ESYT2: variants seen among roughly 807,000 people sequenced by gnomAD.
ESYT2 encodes extended synaptotagmin-2.
A neutral mutation model predicts 107.2 loss-of-function variants in ESYT2; 54 were observed. The observed-to-expected ratio is 0.50, with a 90% CI of 0.40 to 0.63. ESYT2 has a LOEUF of 0.63. ESYT2 is among the 30% of genes least tolerant of loss of function. ESYT2 has a pLI of 0.00. For missense variants in ESYT2, 1,020 were observed against 1,094.5 expected (o/e 0.93, Z 0.96); for synonymous variants, 491 against 434.1 (o/e 1.13, Z -1.63).
rs374662727 is a variant in ESYT2, at chr7:158,798,114, A to G, written c.373-38T>C. Reference sequence around the variant, plus strand: ...AAGAACTCAGTTTAAACAAAATGCTATATAATGCATGACACACACGAGTGC... The same window carrying G: ...AAGAACTCAGTTTAAACAAAATGCTGTATAATGCATGACACACACGAGTGC... On this transcript the variant is annotated intron_variant, in intron 2 of 22. Transcript: ENST00000275418. The G allele has an allele frequency of 5.0e-6, 8 of 1,611,826 alleles. No individual in the cohort carries two copies. The African/African-American group carries it at 9.4e-5, about 19-fold the overall frequency.
At chr7:158,818,936 G>A (rs748191334) in intron 1 of ESYT2, among the ~76,000 whole-genome samples, 2 of 152,216 alleles carry the variant, frequency 1.3e-5, no homozygotes, top group African/African-American at 2.4e-5. Context: ...CCACTCGCAC[G>A]GGCCCTGGCC....
At chr7:158,760,862 C>T (rs933442992) in intron 11 of ESYT2, among the ~76,000 whole-genome samples, 8 of 152,168 alleles carry the variant, frequency 5.3e-5, no homozygotes, top group African/African-American at 1.7e-4. Context: ...CCCAGGAAAA[C>T]GAGATGTCAC....
At chr7:158,741,476 G>GC (rs1201164379) in intron 18 of ESYT2, 47 bp downstream of exon 18, 17 of 1,513,718 alleles carry the variant, frequency 1.1e-5, no homozygotes, top group Non-Finnish European at 1.4e-5. Flanking sequence ...GTGGGGTGGG[G>GC]GGCGCTTGCT....
intron 12 of ESYT2, 87 bp from the exon 13 acceptor site, chr7:158,759,668 TAAA>T: frequency 9.0e-7 from 1 of 1,114,324 alleles, no homozygotes; most frequent in Non-Finnish European, 1.3e-6. Flanking sequence ...TTGATTACGC[TAAA>T]AATAAGAAAG....
At chr7:158,751,033 T>TG (rs1436253948) in intron 14 of ESYT2, among the ~76,000 whole-genome samples, 1 of 152,258 alleles carries the variant, frequency 6.6e-6, no homozygotes, top group African/African-American at 2.4e-5. Flanking sequence ...AGTGGTCACC[T>TG]GTTCCTAGAA....
intron 1 of ESYT2, among the ~76,000 whole-genome samples, chr7:158,819,139 G>A (rs1840223841): frequency 6.6e-6 from 1 of 152,188 alleles, no homozygotes; most frequent in African/African-American, 2.4e-5. Context: ...CATTATGGAG[G>A]GAATGCTTTC....
intron 1 of ESYT2, among the ~76,000 whole-genome samples, chr7:158,821,310 T>C (rs1275412469): frequency 6.6e-6 from 1 of 152,160 alleles, no homozygotes; most frequent in Admixed American, 6.5e-5. Context: ...AATAAGATCA[T>C]TGAGAGTAAA....
chr7:158,749,339 G>A (rs1837511015), intron 15 of ESYT2, among the ~76,000 whole-genome samples: 2 of 152,078 alleles, frequency 1.3e-5, no homozygotes, highest in East Asian at 1.9e-4. Flanking sequence ...GGCTGGTCTC[G>A]AACTCCTGAC....
At chr7:158,817,616 C>T (rs1840182983) in intron 1 of ESYT2, among the ~76,000 whole-genome samples, 1 of 56,844 alleles carries the variant, frequency 1.8e-5, no homozygotes, top group Non-Finnish European at 5.1e-5. Flanking sequence ...CAATGTACAG[C>T]TTACATGTAT....
rs1414158951 is a variant in ESYT2 at position 158,819,632 on chromosome 7, C to T, written c.330+9457G>A. On this transcript the variant is annotated intron_variant, in intron 1 of 22. Coordinates refer to ENST00000275418, the MANE Select transcript of ESYT2 (RefSeq NM_001367773.1). ...GGAAATGTTGCCAATGTAATGTTATCACTAGTTAGTAGAATTGCAGGTAAC... is the reference window on the plus strand; with the variant it reads ...GGAAATGTTGCCAATGTAATGTTATTACTAGTTAGTAGAATTGCAGGTAAC... Among the ~76,000 whole-genome samples, 4 of 152,312 alleles carry T rather than the reference C, an allele frequency of 2.6e-5. No individual in the cohort carries two copies. In the East Asian group the frequency reaches 7.7e-4, roughly 29 times the overall value.
chr7:158,785,136 C>G (rs1444613073), intron 6 of ESYT2, among the ~76,000 whole-genome samples: 1 of 152,152 alleles, frequency 6.6e-6, no homozygotes, highest in African/African-American at 2.4e-5. Context: ...TAATTCACCT[C>G]TAGTGGCCGG....
chr7:158,825,499 G>A (rs1475481596), intron 1 of ESYT2, among the ~76,000 whole-genome samples: 1 of 152,138 alleles, frequency 6.6e-6, no homozygotes, highest in African/African-American at 2.4e-5. Flanking sequence ...TAACAACACT[G>A]TTTATATTAA....
chr7:158,743,597 C>T lies in ESYT2; in HGVS notation c.1726G>A (p.Val576Met). 2 of 1,613,426 alleles carry T rather than the reference C, an allele frequency of 1.2e-6. No homozygotes were observed. The highest frequency in any genetic ancestry group is 1.7e-5 in the Admixed American group (1 of 59,884). ...TTACTGAGCTGGAAGCGCTGGCTCA[C>T]AGTCATGTCCTCACTGGTGAGCAGC... is the stretch of plus-strand genomic sequence containing the variant. Reference protein sequence around the residue: ...SQLLTSEDMTVSQRFQLSNSG... With the variant: ...SQLLTSEDMTMSQRFQLSNSG... The change falls in exon 17 of 23, where the codon GTG becomes ATG. Residue 576 changes from valine (V) to methionine (M), a missense_variant. By Grantham distance (21) the Val-to-Met change is conservative. Coordinates refer to ENST00000275418, the MANE Select transcript of ESYT2 (RefSeq NM_001367773.1).
At chr7:158,804,422 GTGACA>G (rs758445760) in intron 1 of ESYT2, among the ~76,000 whole-genome samples, 1 of 146,454 alleles carries the variant, frequency 6.8e-6, no homozygotes, top group Non-Finnish European at 1.5e-5. Context: ...AGTGAGGCAC[GTGACA>G]AACCCAAACT....
In ESYT2 at chr7:158,731,717, A is replaced by C. The variant is rs1484062343; in HGVS notation, c.*2490T>G. ...ACAGAGCTGCACTTCAAATTTACTA[A>C]GTTAATTAATTTTCCCTTCATTGGC... is the stretch of plus-strand genomic sequence containing the variant. On this transcript the variant is annotated 3_prime_UTR_variant, in exon 23 of 23. Transcript: ENST00000275418. 6.6e-6 allele frequency: 1 copy of C among 152,648 alleles called. No homozygotes were observed. The highest frequency in any genetic ancestry group is 2.4e-5 in the African/African-American group (1 of 41,458). 9.5% of individuals were successfully genotyped at this position (152,648 alleles called of 1,614,324 possible).
At chr7:158,800,017 T>C (rs1371487412) in intron 1 of ESYT2, among the ~76,000 whole-genome samples, 1 of 152,028 alleles carries the variant, frequency 6.6e-6, no homozygotes, top group Non-Finnish European at 1.5e-5. Flanking sequence ...CACATTTGCA[T>C]ATGCGTATGA....
chr7:158,740,175 G>A (rs527522947), intron 18 of ESYT2, among the ~76,000 whole-genome samples: 2 of 152,312 alleles, frequency 1.3e-5, no homozygotes, highest in South Asian at 2.1e-4. Flanking sequence ...ACGGACTGCT[G>A]CTGGCTGTTC....
intron 7 of ESYT2, among the ~76,000 whole-genome samples, chr7:158,771,555 T>G (rs1288893745): frequency 6.6e-6 from 1 of 152,204 alleles, no homozygotes; most frequent in Non-Finnish European, 1.5e-5. Context: ...GTCCGCAGAC[T>G]AAATGCTTGT....
rs145823131 is a variant in ESYT2 at position 158,787,109 on chromosome 7, C to T, written c.747+895G>A. ...GAACACGGAGGGCAGCAAAGGGAGA[C>T]GCTGGACAGAGGCTGCAGGAGCCCA... is the stretch of plus-strand genomic sequence containing the variant. On this transcript the variant is annotated intron_variant, in intron 6 of 22. Coordinates refer to ENST00000275418, the MANE Select transcript of ESYT2 (RefSeq NM_001367773.1). Among the ~76,000 whole-genome samples the T allele has an allele frequency of 1.7e-3, 266 of 152,118 alleles. 1 individual carries two copies. Among genetic ancestry groups the T allele is most frequent in the African/African-American group, 2.8e-3 (116 of 41,506 alleles).
Sources: gnomAD v4.1 joint callset for allele counts (sites outside exome capture counted in the v4.1 genomes callset) on GRCh38, gnomAD v4.1.1 for gene constraint, MANE v1.5 for transcripts, NCBI Gene and HGNC (gene_info 2026-07-23, HGNC 2026-07-21) for gene names.